DNAH6: variants seen among roughly 807,000 people sequenced by gnomAD.
DNAH6 encodes the protein dynein axonemal heavy chain 6.
In DNAH6, 340 loss-of-function variants were observed where a neutral mutation model predicts 491.4. The observed-to-expected ratio is 0.69, with a 90% CI of 0.63 to 0.76. The LOEUF is 0.76. Ranked by LOEUF, DNAH6 falls within the 30% of genes least tolerant of loss-of-function variation. The pLI is 0.00. For synonymous variants in DNAH6, 1,603 were observed against 1,686.1 expected (o/e 0.95, Z 1.21); for missense variants, 4,443 against 4,972.2 (o/e 0.89, Z 3.20).
chr2:84,669,783 TG>T (rs987219492), intron 38 of DNAH6, among the ~76,000 whole-genome samples: 2 of 152,142 alleles, frequency 1.3e-5, no homozygotes, highest in South Asian at 4.1e-4. Context: ...CTTGGTATTT[TG>T]GGGGCTGCCA....
intron 15 of DNAH6, among the ~76,000 whole-genome samples, chr2:84,585,900 A>G (rs577504632): frequency 3.3e-5 from 5 of 152,240 alleles, no homozygotes; most frequent in Non-Finnish European, 5.9e-5. Flanking sequence ...ACAAGTTCCT[A>G]CACTGGTCTG....
intron 36 of DNAH6, 55 bp from the exon 37 acceptor site, chr2:84,658,971 A>G: frequency 1.8e-6 from 2 of 1,113,392 alleles, no homozygotes; most frequent in South Asian, 3.3e-5. Context: ...GCAGCTTAGG[A>G]TTCTTTTTAT....
At chr2:84,471,675 A>G in the DNAH6 span, among the ~76,000 whole-genome samples, 1 of 152,124 alleles carries the variant, frequency 6.6e-6, no homozygotes, top group East Asian at 1.9e-4. Context: ...CTCCCGTTCC[A>G]TGGTCGTACA....
intron 4 of DNAH6, among the ~76,000 whole-genome samples, chr2:84,537,376 A>C (rs1397036312): frequency 6.6e-6 from 1 of 151,998 alleles, no homozygotes; most frequent in African/African-American, 2.4e-5. Context: ...GGTTATTGCA[A>C]GAGATGCTGG....
rs976769087 is a variant in DNAH6 at position 84,784,774 on chromosome 2, T to C, written c.10917T>C (p.Asn3639=). ...TTTTTTTAAGCTCCATGCCTAGTAATACATTTCCTGTTACAGTTCTTCAAA... is the reference window on the plus strand; with the variant it reads ...TTTTTTTAAGCTCCATGCCTAGTAACACATTTCCTGTTACAGTTCTTCAAA... The part of the protein sequence containing the change: ...FRLFLSSMPS[N]TFPVTVLQNS... Residue 3639 remains asparagine, a synonymous_variant, in exon 66 of 77, where the codon AAT becomes AAC. Coordinates refer to ENST00000389394, the MANE Select transcript of DNAH6 (RefSeq NM_001370.2). 1.3e-6 allele frequency: 2 copies of C among 1,550,476 alleles called. No individual in the cohort carries two copies. Among genetic ancestry groups the C allele is most frequent in the African/African-American group, 1.4e-5 (1 of 72,982 alleles).
At chr2:84,716,885 G>C (rs1431846502) in intron 58 of DNAH6, among the ~76,000 whole-genome samples, 1 of 152,182 alleles carries the variant, frequency 6.6e-6, no homozygotes, top group Non-Finnish European at 1.5e-5. Flanking sequence ...AGCTGGGTCT[G>C]CCTGTGTTCT....
chr2:84,790,880 AC>A (rs1677661368), intron 68 of DNAH6, among the ~76,000 whole-genome samples: 1 of 152,204 alleles, frequency 6.6e-6, no homozygotes, highest in African/African-American at 2.4e-5. Context: ...AAAAATTAAA[AC>A]ATATGTCCTC....
At chr2:84,702,994 A>G (rs1044380652) in intron 49 of DNAH6, among the ~76,000 whole-genome samples, 4 of 152,192 alleles carry the variant, frequency 2.6e-5, no homozygotes, top group African/African-American at 9.7e-5. Flanking sequence ...TCATCTCCCT[A>G]GGGGTCCTCA....
At chr2:84,815,758 G>A in intron 75 of DNAH6, 103 bp from the exon 76 acceptor site, 2 of 844,464 alleles carry the variant, frequency 2.4e-6, no homozygotes, top group Non-Finnish European at 3.7e-6. Flanking sequence ...TGTATAGAGT[G>A]TTTTTTAGAA....
the DNAH6 span, among the ~76,000 whole-genome samples, chr2:84,503,984 C>T: frequency 5.3e-5 from 8 of 152,062 alleles, no homozygotes; most frequent in Non-Finnish European, 1.0e-4. Flanking sequence ...TCTTTGAATA[C>T]ATTTTCTACC....
Position 84,813,102 on chromosome 2 carries a change from T to G in DNAH6, c.11970T>G (p.Gly3990=). 1 of 1,551,854 alleles carries G rather than the reference T, an allele frequency of 6.4e-7. No homozygotes were observed. Among genetic ancestry groups the G allele is most frequent in the South Asian group, 1.2e-5 (1 of 84,044 alleles). The change falls in exon 74 of 77, where the codon GGT becomes GGG. Residue 3990 remains glycine (G), a synonymous_variant. Transcript: ENST00000389394. ...RGQPKSYWIS[G]FFFPQGFLTG... is the part of the protein sequence containing the mutation. ...AGCCTAAGTCCTACTGGATCTCTGG[T>G]TTCTTCTTTCCTCAAGGATTTCTAA...
intron 3 of DNAH6, among the ~76,000 whole-genome samples, chr2:84,528,605 A>G (rs1186609153): frequency 6.6e-6 from 1 of 152,162 alleles, no homozygotes. Context: ...TCCCATGGAC[A>G]TCAAAGACCT....
intron 57 of DNAH6, among the ~76,000 whole-genome samples, chr2:84,714,281 T>G (rs1697322326): frequency 6.6e-6 from 1 of 152,222 alleles, no homozygotes; most frequent in Admixed American, 6.5e-5. Context: ...TGTGTTCAGG[T>G]TGAATGAAAT....
At chr2:84,815,292 G>C (rs1054072766) in intron 75 of DNAH6, among the ~76,000 whole-genome samples, 1 of 151,964 alleles carries the variant, frequency 6.6e-6, no homozygotes, top group African/African-American at 2.4e-5. Flanking sequence ...CAGACGTGAG[G>C]CTCCAATTAT....
intron 12 of DNAH6, among the ~76,000 whole-genome samples, chr2:84,574,970 T>C (rs1419541346): frequency 6.6e-6 from 1 of 152,146 alleles, no homozygotes; most frequent in Non-Finnish European, 1.5e-5. Context: ...CTATCTTGTC[T>C]TGCCAGTCCT....
chr2:84,471,070 C>A, the DNAH6 span, among the ~76,000 whole-genome samples: 1 of 152,082 alleles, frequency 6.6e-6, no homozygotes, highest in East Asian at 1.9e-4. Flanking sequence ...CCTGGGAGGG[C>A]TAGAAGCAAG....
intron 75 of DNAH6, among the ~76,000 whole-genome samples, 193 bp downstream of exon 75, chr2:84,814,315 A>T (rs1024769581): frequency 6.6e-6 from 1 of 152,206 alleles, no homozygotes; most frequent in Non-Finnish European, 1.5e-5. Context: ...AACTAGTCTA[A>T]GTTATAGAAA....
chr2:84,681,308 T>C, intron 41 of DNAH6, 49 bp from the exon 42 acceptor site: 24 of 1,403,796 alleles, frequency 1.7e-5, no homozygotes, highest in Non-Finnish European at 2.3e-5. Context: ...AAGATAGATA[T>C]TTGGTTTAAA....
At chr2:84,752,809 T>G (rs1673598429) in intron 63 of DNAH6, among the ~76,000 whole-genome samples, 1 of 152,230 alleles carries the variant, frequency 6.6e-6, no homozygotes, top group Admixed American at 6.5e-5. Flanking sequence ...ATATTCATTC[T>G]CAGTTGATGA....
Sources: gnomAD v4.1 joint callset for allele counts (sites outside exome capture counted in the v4.1 genomes callset) on GRCh38, gnomAD v4.1.1 for gene constraint, MANE v1.5 for transcripts, NCBI Gene and HGNC (gene_info 2026-07-23, HGNC 2026-07-21) for gene names.